NSL1: variants seen among roughly 807,000 people sequenced by gnomAD.
NSL1 encodes the protein kinetochore-associated protein NSL1 homolog.
A neutral mutation model predicts 25.4 loss-of-function variants in NSL1; 11 were observed. The ratio of observed to expected loss-of-function variants is 0.43; its 90% CI spans 0.27 to 0.72. NSL1 has a LOEUF of 0.72. Ranked by LOEUF, NSL1 falls within the 30% of genes least tolerant of loss-of-function variation. NSL1 has a pLI of 0.19. For missense variants in NSL1, 330 were observed against 342.7 expected (o/e 0.96, Z 0.29); for synonymous variants, 118 against 120.6 (o/e 0.98, Z 0.14).
chr1:212,735,617 T>A lies in NSL1; in HGVS notation c.*2791A>T. On this transcript the variant is annotated 3_prime_UTR_variant, in exon 6 of 6. Transcript: ENST00000366977. ...GATGAAGCCTTAACTCCCATGTGCC[T>A]ATAGCTGTATTTGGAGATGGGGCCT... The A allele has an allele frequency of 1.2e-6, 1 of 800,136 alleles. No individual in the cohort carries two copies. Among genetic ancestry groups the A allele is most frequent in the Non-Finnish European group, 1.5e-6 (1 of 660,996 alleles). 49.6% of individuals were successfully genotyped at this position (800,136 alleles called of 1,614,324 possible).
At chr1:212,743,602 T>C (rs1043154840) in intron 4 of NSL1, among the ~76,000 whole-genome samples, 6 of 152,054 alleles carry the variant, frequency 3.9e-5, no homozygotes, top group African/African-American at 1.5e-4. Context: ...ATAATCACCC[T>C]ATCTTAAAAA....
At chr1:212,757,928 T>C (rs1390799126) in intron 4 of NSL1, among the ~76,000 whole-genome samples, 1 of 152,186 alleles carries the variant, frequency 6.6e-6, no homozygotes, top group African/African-American at 2.4e-5. Flanking sequence ...TTGAAATATG[T>C]TTCCAAGGTA....
rs929474444 is a variant in NSL1, at chr1:212,728,807, G to C, written c.*9601C>G. 8.1e-6 allele frequency: 8 copies of C among 985,206 alleles called. No individual in the cohort carries two copies. Among genetic ancestry groups the C allele is most frequent in the Non-Finnish European group, 8.4e-6 (7 of 829,928 alleles). The allele number at this position is 985,206 out of a possible 1,614,324, so 61.0% of individuals were successfully genotyped here. On this transcript the variant is annotated 3_prime_UTR_variant, in exon 6 of 6. Coordinates refer to ENST00000366977, the MANE Select transcript of NSL1 (RefSeq NM_015471.4). Reference sequence around the variant, plus strand: ...TCTGTTTTTCCTCTCACTCTGACTCGAGGAGGGCCCTCAGCGCAGAGAAAA... The same window carrying C: ...TCTGTTTTTCCTCTCACTCTGACTCCAGGAGGGCCCTCAGCGCAGAGAAAA...
rs1367708679 is a variant in NSL1 at position 212,784,501 on chromosome 1, A to AG, written c.314-9dup. 2 of 1,501,518 alleles carry AG rather than the reference A, an allele frequency of 1.3e-6. No homozygotes were observed. Among genetic ancestry groups the AG allele is most frequent in the Non-Finnish European group, 1.8e-6 (2 of 1,107,356 alleles). The allele number at this position is 1,501,518 out of a possible 1,614,324, so 93.0% of individuals were successfully genotyped here. On this transcript the variant is annotated splice_polypyrimidine_tract_variant and intron_variant, in intron 2 of 5. Transcript: ENST00000366977. Reference sequence around the variant, plus strand: ...GTACTTTGATGTCAGAATCTATTTGAGAAAAAAAAATGTATATATAAAAAG... The same window carrying AG: ...GTACTTTGATGTCAGAATCTATTTGAGGAAAAAAAAATGTATATATAAAAAG...
intron 4 of NSL1, among the ~76,000 whole-genome samples, chr1:212,743,161 T>C (rs995705803): frequency 2.6e-5 from 4 of 152,160 alleles, no homozygotes; most frequent in African/African-American, 9.6e-5. Flanking sequence ...TTTGTTTACT[T>C]TGGTTTTTTT....
At chr1:212,787,160 C>CAAA (rs34594444) in intron 2 of NSL1, among the ~76,000 whole-genome samples, 1 of 117,852 alleles carries the variant, frequency 8.5e-6, no homozygotes, top group Non-Finnish European at 1.8e-5. Context: ...GACTTCATCT[C>CAAA]AAAAAAAAAA....
At chr1:212,787,894 A>C (rs1464824309) in intron 1 of NSL1, among the ~76,000 whole-genome samples, 2 of 152,192 alleles carry the variant, frequency 1.3e-5, no homozygotes, top group East Asian at 1.9e-4. Context: ...AACAAACAAA[A>C]AAAAGTACTC....
In NSL1 at chr1:212,733,433, CAA is replaced by C. The variant is rs140675222; in HGVS notation, c.*4973_*4974del. Among the ~76,000 whole-genome samples the C allele has an allele frequency of 2.7e-4, 37 of 135,882 alleles. No individual in the cohort carries two copies. Among genetic ancestry groups the C allele is most frequent in the South Asian group, 9.5e-4 (4 of 4,208 alleles). 89.1% of individuals were successfully genotyped at this position (135,882 alleles called of 152,430 possible). On this transcript the variant is annotated 3_prime_UTR_variant, in exon 6 of 6. Transcript: ENST00000366977. Reference sequence around the variant, plus strand: ...GGCAACACAGCAAGACCTTGTTTCACAAAAAAAAAAAAAAAAAAATCCCATAC... The same window carrying C: ...GGCAACACAGCAAGACCTTGTTTCACAAAAAAAAAAAAAAAAATCCCATAC...
At chr1:212,775,482 A>C (rs1296635350) in intron 4 of NSL1, among the ~76,000 whole-genome samples, 1 of 152,134 alleles carries the variant, frequency 6.6e-6, no homozygotes, top group Non-Finnish European at 1.5e-5. Flanking sequence ...ATGAGAGTAA[A>C]TAAAACAAAT....
In NSL1 at chr1:212,729,935, C is replaced by T. The variant is rs1657941725; in HGVS notation, c.*8473G>A. ...AAGCTGCCTTGTGGAGGAACTAAAC[C>T]TCCGGAAGGATTTTTTTTTTTAAGA... On this transcript the variant is annotated 3_prime_UTR_variant, in exon 6 of 6. Coordinates refer to ENST00000366977, the MANE Select transcript of NSL1 (RefSeq NM_015471.4). 1.0e-6 allele frequency: 1 copy of T among 984,680 alleles called. No individual in the cohort carries two copies. Among genetic ancestry groups the T allele is most frequent in the African/African-American group, 1.8e-5 (1 of 56,896 alleles). The allele number at this position is 984,680 out of a possible 1,614,324, so 61.0% of individuals were successfully genotyped here. A position where few individuals can be genotyped will look rare whatever the true frequency, so the allele number is the denominator to read the frequency against.
At chr1:212,782,532 G>T in intron 3 of NSL1, 106 bp from the exon 4 acceptor site, 2 of 852,094 alleles carry the variant, frequency 2.3e-6, no homozygotes, top group Middle Eastern at 3.6e-4. Flanking sequence ...CCATTCTTTT[G>T]AGGAAAAAAA....
At chr1:212,762,368 G>A (rs1264589209) in intron 4 of NSL1, among the ~76,000 whole-genome samples, 1 of 150,160 alleles carries the variant, frequency 6.7e-6, no homozygotes, top group African/African-American at 2.5e-5. Flanking sequence ...CATTCAAACT[G>A]TCCTAGGCTG....
chr1:212,772,043 A>G (rs930544699), intron 4 of NSL1, among the ~76,000 whole-genome samples: 2 of 151,888 alleles, frequency 1.3e-5, no homozygotes, highest in African/African-American at 4.8e-5. Context: ...ATAAGGGAAA[A>G]CCCCTTTAGT....
In NSL1 at chr1:212,737,811, T is replaced by A. The variant is rs1014078411; in HGVS notation, c.*597A>T. On this transcript the variant is annotated 3_prime_UTR_variant, in exon 6 of 6. Transcript: ENST00000366977. Reference sequence around the variant, plus strand: ...AGTAATGTTGCACAAATAATAGTTATCATTGTCTTACACAACAAAAAATCC... The same window carrying A: ...AGTAATGTTGCACAAATAATAGTTAACATTGTCTTACACAACAAAAAATCC... 4.5e-5 allele frequency: 44 copies of A among 985,312 alleles called. No individual in the cohort carries two copies. Among genetic ancestry groups the A allele is most frequent in the Admixed American group, 6.1e-5 (1 of 16,268 alleles). 61.0% of individuals were successfully genotyped at this position (985,312 alleles called of 1,614,324 possible). A position where few individuals can be genotyped will look rare whatever the true frequency, so the allele number is the denominator to read the frequency against.
At chr1:212,750,797 C>A (rs770007130) in intron 4 of NSL1, among the ~76,000 whole-genome samples, 4 of 151,770 alleles carry the variant, frequency 2.6e-5, no homozygotes, top group Non-Finnish European at 5.9e-5. Context: ...AAAAATTAGC[C>A]GGGCATGGTG....
intron 1 of NSL1, 117 bp downstream of exon 1, chr1:212,791,413 G>A (rs371016082): frequency 2.3e-5 from 21 of 912,894 alleles, no homozygotes; most frequent in African/African-American, 2.0e-4. Flanking sequence ...TGGTTCTACA[G>A]TAGCCTGGGG....
At chr1:212,743,378 T>C (rs1405055937) in intron 4 of NSL1, among the ~76,000 whole-genome samples, 4 of 152,002 alleles carry the variant, frequency 2.6e-5, no homozygotes. Context: ...TTAGCCAGAA[T>C]GGCCTCGATC....
intron 4 of NSL1, among the ~76,000 whole-genome samples, chr1:212,741,431 G>C (rs970996631): frequency 4.6e-5 from 7 of 152,162 alleles, no homozygotes; most frequent in African/African-American, 1.7e-4. Flanking sequence ...GGGGCCTGGT[G>C]GGAGGTGATT....
Position 212,760,577 on chromosome 1 carries a change from T to G in NSL1, c.500-20976A>C, listed in dbSNP as rs1466751198. On this transcript the variant is annotated intron_variant, in intron 4 of 5. Transcript: ENST00000366977. The surrounding 1 kb of genome is among the most constrained non-coding windows in gnomAD (Gnocchi z 4.3). The stretch of plus-strand genomic sequence containing the variant: ...ACCACCATCACCGCCAGGACCCCCC[T>G]AAATGTGCTCTGGGGGGACTGGCCA... Among the ~76,000 whole-genome samples, 1 of 151,838 alleles carries G rather than the reference T, an allele frequency of 6.6e-6. No individual in the cohort carries two copies. Among genetic ancestry groups the G allele is most frequent in the Non-Finnish European group, 1.5e-5 (1 of 67,926 alleles).
Sources: gnomAD v4.1 joint callset for allele counts (sites outside exome capture counted in the v4.1 genomes callset) on GRCh38, gnomAD v4.1.1 for gene constraint, Gnocchi (gnomAD v3.1) non-coding constraint, MANE v1.5 for transcripts, NCBI Gene and HGNC (gene_info 2026-07-23, HGNC 2026-07-21) for gene names.